Variants in TOGARAM2 observed in about 807,000 individuals in gnomAD.
TOGARAM2 encodes the protein TOG array regulator of axonemal microtubules protein 2.
Under a neutral mutation model 93.3 loss-of-function variants are expected in TOGARAM2, and 85 were observed. The observed-to-expected ratio is 0.91, with a 90% CI of 0.76 to 1.09. The LOEUF (loss-of-function observed/expected upper bound fraction) is 1.09. Ranked by LOEUF, TOGARAM2 falls within the 50% of genes least tolerant of loss-of-function variation. The pLI, the probability that TOGARAM2 is intolerant of heterozygous loss-of-function variation, is 0.00. For missense variants in TOGARAM2, 1,277 were observed against 1,334.5 expected, an observed-to-expected ratio of 0.96 and a Z score of 0.67; for synonymous variants, 593 against 552.8, an observed-to-expected ratio of 1.07 and a Z score of -1.02.
At chr2:29,045,722 C>T (rs1368695447) in intron 19 of TOGARAM2, 2 of 366,166 alleles carry the variant, frequency 5.5e-6, no homozygotes, top group Non-Finnish European at 5.1e-6. Flanking sequence ...GCTGACATGA[C>T]ATTAAAAGAA....
intron 8 of TOGARAM2, among the ~76,000 whole-genome samples, chr2:29,015,677 G>A (rs991113605): frequency 2.6e-5 from 4 of 152,132 alleles, no homozygotes; most frequent in African/African-American, 9.7e-5. Context: ...ATGCAGCCAC[G>A]GTTAGTCCTT....
At chr2:28,977,488 A>G (rs908851064), upstream of TOGARAM2, among the ~76,000 whole-genome samples, 3 of 152,054 alleles carry the variant, frequency 2.0e-5, no homozygotes, top group Non-Finnish European at 4.4e-5. Flanking sequence ...CCTGCCATAC[A>G]ATGTATGGGG....
At chr2:28,960,266 G>C (rs952576038) in intron 1 of TOGARAM2, among the ~76,000 whole-genome samples, 1 of 152,152 alleles carries the variant, frequency 6.6e-6, no homozygotes, top group Non-Finnish European at 1.5e-5. Flanking sequence ...TCAGGGTGAC[G>C]TGCCTACAGA....
intron 11 of TOGARAM2, 117 bp downstream of exon 11, chr2:29,022,425 C>T (rs898457267): frequency 1.4e-6 from 2 of 1,407,232 alleles, no homozygotes; most frequent in South Asian, 2.7e-5. Context: ...CACCATGGAG[C>T]ATAAAAGCCA....
Position 29,026,713 on chromosome 2 carries a change from A to G in TOGARAM2, c.1854-140A>G, listed in dbSNP as rs1665394988. On this transcript the variant is annotated intron_variant, in intron 13 of 19. Coordinates refer to ENST00000379558, the MANE Select transcript of TOGARAM2 (RefSeq NM_199280.4). Reference sequence around the variant, plus strand: ...TGCTCTTTCCTCAAAGATTCCCCTCAGCTCACATGGGGACAGGTATTTTTG... The same window carrying G: ...TGCTCTTTCCTCAAAGATTCCCCTCGGCTCACATGGGGACAGGTATTTTTG... 20 of 874,720 alleles carry G rather than the reference A, an allele frequency of 2.3e-5. No individual in the cohort carries two copies. In the South Asian group the frequency reaches 4.9e-4, roughly 21 times the overall value. 54.2% of individuals were successfully genotyped at this position (874,720 alleles called of 1,614,324 possible).
At chr2:29,025,080 A>G (rs1665263398) in intron 13 of TOGARAM2, among the ~76,000 whole-genome samples, 1 of 152,168 alleles carries the variant, frequency 6.6e-6, no homozygotes, top group African/African-American at 2.4e-5. Context: ...CTGATGCGTG[A>G]GGTTTCTCAG....
intron 1 of TOGARAM2, among the ~76,000 whole-genome samples, chr2:28,994,392 TTGAAACTGA>T (rs1184099568): frequency 1.3e-5 from 2 of 152,086 alleles, no homozygotes; most frequent in Non-Finnish European, 2.9e-5. Context: ...CTGAAGCAAA[TTGAAACTGA>T]TGGAGAAACA....
Position 28,999,192 on chromosome 2 carries a change from C to G in TOGARAM2, c.151C>G (p.Pro51Ala). ...SLPHGEGSLQ[P>A]EPRALLNNEE... ...TCTGTCCCCCTCAGGTTCTCTCCAGCCTGAGCCAAGAGCCCTGCTGAACAA... is the reference window on the plus strand; with the variant it reads ...TCTGTCCCCCTCAGGTTCTCTCCAGGCTGAGCCAAGAGCCCTGCTGAACAA... The change falls in exon 4 of 20, where the codon CCT (proline) becomes GCT (alanine). Residue 51 changes from proline to alanine, a missense_variant. Coordinates refer to ENST00000379558, the MANE Select transcript of TOGARAM2 (RefSeq NM_199280.4). 3 of 1,612,414 alleles carry G rather than the reference C, an allele frequency of 1.9e-6. No individual in the cohort carries two copies. Among genetic ancestry groups the G allele is most frequent in the Non-Finnish European group, 1.7e-6 (2 of 1,178,952 alleles).
intron 1 of TOGARAM2, among the ~76,000 whole-genome samples, chr2:28,988,945 C>T (rs1672587910): frequency 6.6e-6 from 1 of 152,212 alleles, no homozygotes; most frequent in Admixed American, 6.5e-5. Context: ...CCTGGCTGTC[C>T]TTGATCAGAC....
At chr2:29,041,595 T>C (rs1005306771) in intron 18 of TOGARAM2, among the ~76,000 whole-genome samples, 3 of 152,222 alleles carry the variant, frequency 2.0e-5, no homozygotes, top group Admixed American at 6.5e-5. Flanking sequence ...TGTGGCCTGG[T>C]AGCCTCAGGG....
chr2:28,974,550 C>T (rs1671998277), intron 1 of TOGARAM2, among the ~76,000 whole-genome samples: 1 of 152,118 alleles, frequency 6.6e-6, no homozygotes, highest in Non-Finnish European at 1.5e-5. Context: ...TCCTTGAACT[C>T]CAGTCATACA....
chr2:29,035,349 A>G (rs543431797), intron 16 of TOGARAM2, 115 bp from the exon 17 acceptor site: 7 of 953,104 alleles, frequency 7.3e-6, no homozygotes, highest in Non-Finnish European at 9.7e-6. Context: ...ACTAACCTGC[A>G]GGTGACACTC....
upstream of TOGARAM2, among the ~76,000 whole-genome samples, chr2:28,978,026 C>T (rs1572621039): frequency 6.6e-6 from 1 of 152,160 alleles, no homozygotes; most frequent in East Asian, 1.9e-4. Flanking sequence ...CCTGTCTCAG[C>T]CTCCTGAGTA....
chr2:29,000,365 T>C (rs1274337732), intron 4 of TOGARAM2, among the ~76,000 whole-genome samples: 2 of 152,262 alleles, frequency 1.3e-5, no homozygotes, highest in East Asian at 3.9e-4. Context: ...TCTGGGGCCT[T>C]GGGCAGGTCG....
chr2:28,961,095 A>G (rs1671799807), intron 1 of TOGARAM2, among the ~76,000 whole-genome samples: 1 of 152,094 alleles, frequency 6.6e-6, no homozygotes, highest in South Asian at 2.1e-4. Context: ...AGAGAACCAG[A>G]TTCAGTTCTA....
chr2:29,023,321 C>A, intron 12 of TOGARAM2, 130 bp downstream of exon 12: 1 of 741,596 alleles, frequency 1.3e-6, no homozygotes, highest in South Asian at 1.8e-5. Flanking sequence ...AGCCTTCAGC[C>A]ACTGAGGTAG....
At chr2:28,970,398 C>T (rs1671930821) in intron 1 of TOGARAM2, among the ~76,000 whole-genome samples, 1 of 152,110 alleles carries the variant, frequency 6.6e-6, no homozygotes, top group African/African-American at 2.4e-5. Flanking sequence ...AGTACCTATC[C>T]AAAGGATTGT....
chr2:28,994,693 T>C lies in TOGARAM2; in HGVS notation c.-110-32T>C, dbSNP rs181680243. ...TAGTTTAAAAGTGTTAATTTGCTTT[T>C]ACTGACTTCTCCTTTCTCCTCTCAC... On this transcript the variant is annotated intron_variant, in intron 1 of 19. Transcript: ENST00000379558. The C allele has an allele frequency of 1.2e-4, 88 of 765,190 alleles. No individual in the cohort carries two copies. In the Admixed American group the frequency reaches 1.3e-3, roughly 12 times the overall value. 47.4% of individuals were successfully genotyped at this position (765,190 alleles called of 1,614,324 possible). A position where few individuals can be genotyped will look rare whatever the true frequency, so the allele number is the denominator to read the frequency against.
At chr2:28,976,484 G>A (rs907776866), upstream of TOGARAM2, among the ~76,000 whole-genome samples, 2 of 152,116 alleles carry the variant, frequency 1.3e-5, no homozygotes, top group Non-Finnish European at 2.9e-5. Flanking sequence ...TCCATCTCTC[G>A]AGCTTTCCTG....
Sources: gnomAD v4.1 joint callset for allele counts (sites outside exome capture counted in the v4.1 genomes callset) on GRCh38, gnomAD v4.1.1 for gene constraint, MANE v1.5 for transcripts, NCBI Gene and HGNC (gene_info 2026-07-23, HGNC 2026-07-21) for gene names.